The following OSBPL10 variants were observed in gnomAD, a reference collection of about 807,000 sequenced individuals.
OSBPL10 encodes oxysterol binding protein like 10.
In OSBPL10, 49 loss-of-function variants were observed where a neutral mutation model predicts 81.7. That is an observed-to-expected ratio of 0.60 (90% CI 0.48 to 0.76). The LOEUF is 0.76. Among genes scored for constraint, OSBPL10 ranks in the 30% least tolerant of loss-of-function variants. The pLI is 0.00. For missense variants in OSBPL10, 923 were observed against 987.8 expected, an observed-to-expected ratio of 0.93 and a Z score of 0.88; for synonymous variants, 419 against 383.6, an observed-to-expected ratio of 1.09 and a Z score of -1.08.
chr3:32,068,527 A>T (rs1699799329), intron 1 of OSBPL10, among the ~76,000 whole-genome samples: 1 of 152,074 alleles, frequency 6.6e-6, no homozygotes, highest in African/African-American at 2.4e-5. Flanking sequence ...CAAGAACCTA[A>T]AACCTCTTCA....
At chr3:32,074,274 C>T (rs1204797726) in intron 1 of OSBPL10, among the ~76,000 whole-genome samples, 5 of 152,136 alleles carry the variant, frequency 3.3e-5, no homozygotes, top group Non-Finnish European at 5.9e-5. Flanking sequence ...ACTTACGGCA[C>T]CTTTCTCCTT....
At chr3:31,738,097 T>G (rs1042290749) in intron 5 of OSBPL10, among the ~76,000 whole-genome samples, 1 of 151,628 alleles carries the variant, frequency 6.6e-6, no homozygotes, top group African/African-American at 2.4e-5. Flanking sequence ...AATCAATGGA[T>G]AGACAAAAAT....
chr3:31,839,088 G>A (rs766434046), intron 3 of OSBPL10, among the ~76,000 whole-genome samples: 16 of 152,154 alleles, frequency 1.1e-4, no homozygotes, highest in Non-Finnish European at 2.2e-4. Context: ...AGCTATGAAT[G>A]CAGTAAATAA....
At chr3:31,820,509 C>A (rs1031660643) in intron 4 of OSBPL10, among the ~76,000 whole-genome samples, 22 of 151,834 alleles carry the variant, frequency 1.4e-4, no homozygotes, top group Admixed American at 5.9e-4. Flanking sequence ...GCAGAAGAAT[C>A]GCTTAAATCC....
At chr3:31,778,146 G>A (rs1166911808) in intron 4 of OSBPL10, among the ~76,000 whole-genome samples, 1 of 152,200 alleles carries the variant, frequency 6.6e-6, no homozygotes, top group African/African-American at 2.4e-5. Flanking sequence ...ATAGCCTGGG[G>A]CTAGGTCTGA....
intron 2 of OSBPL10, among the ~76,000 whole-genome samples, chr3:32,015,782 C>T (rs905294596): frequency 5.3e-4 from 81 of 152,212 alleles, no homozygotes; most frequent in African/African-American, 1.8e-3. Flanking sequence ...AACAAGTGGG[C>T]GAAGGATATG....
At chr3:31,812,608 G>A (rs1486894800) in intron 4 of OSBPL10, among the ~76,000 whole-genome samples, 1 of 151,700 alleles carries the variant, frequency 6.6e-6, no homozygotes, top group Non-Finnish European at 1.5e-5. Context: ...TTACTGTGAT[G>A]ATTTTTCTGT....
At chr3:32,049,835 G>A (rs558880359) in intron 1 of OSBPL10, among the ~76,000 whole-genome samples, 1 of 152,298 alleles carries the variant, frequency 6.6e-6, no homozygotes, top group African/African-American at 2.4e-5. Context: ...GCTGCCTGAA[G>A]TTTTGATTCA....
chr3:31,912,140 A>G (rs1372343462), intron 1 of OSBPL10, among the ~76,000 whole-genome samples: 1 of 152,216 alleles, frequency 6.6e-6, no homozygotes, highest in African/African-American at 2.4e-5. Context: ...TCACGCCTGT[A>G]ATCCCAGAAC....
chr3:31,668,924 A>G lies in OSBPL10; in HGVS notation c.1914-100T>C, dbSNP rs148799685. 6,065 of 1,123,340 alleles carry G rather than the reference A, an allele frequency of 5.4e-3. 24 individuals carry two copies. Among genetic ancestry groups the G allele is most frequent in the Non-Finnish European group, 6.3e-3 (5,113 of 810,130 alleles). The allele number at this position is 1,123,340 out of a possible 1,614,324, so 69.6% of individuals were successfully genotyped here. Reference sequence around the variant, plus strand: ...TAGAGATTTTTTTTTTTAATCAGAAATGGGAAGGAGGGATTGTTTTTGCAG... The same window carrying G: ...TAGAGATTTTTTTTTTTAATCAGAAGTGGGAAGGAGGGATTGTTTTTGCAG... On this transcript the variant is annotated intron_variant, in intron 9 of 11. Coordinates refer to ENST00000396556, the MANE Select transcript of OSBPL10 (RefSeq NM_017784.5).
intron 1 of OSBPL10, among the ~76,000 whole-genome samples, chr3:32,050,687 G>T (rs1334200128): frequency 7.0e-6 from 1 of 143,550 alleles, no homozygotes; most frequent in Non-Finnish European, 1.5e-5. Context: ...TTGAGATGAA[G>T]TTTCGCTCTT....
intron 2 of OSBPL10, among the ~76,000 whole-genome samples, chr3:31,996,772 A>G (rs1482413866): frequency 6.6e-6 from 1 of 152,230 alleles, no homozygotes. Flanking sequence ...TCCCGCTATC[A>G]ACTCCAGAGA....
intron 7 of OSBPL10, among the ~76,000 whole-genome samples, chr3:31,696,774 G>A (rs1383333798): frequency 1.3e-5 from 2 of 152,220 alleles, no homozygotes; most frequent in African/African-American, 4.8e-5. Flanking sequence ...CCAGCCTCAC[G>A]GCTTTGACCA....
At chr3:31,981,401 C>T (rs940170084), upstream of OSBPL10, 4 of 710,638 alleles carry the variant, frequency 5.6e-6, no homozygotes, top group Non-Finnish European at 7.8e-6. This position sits in a 1 kb window ranked among gnomAD's most constrained non-coding sequence, Gnocchi z 4.5. Context: ...CCTCCCGCCG[C>T]GGCCAGGGCC....
intron 3 of OSBPL10, among the ~76,000 whole-genome samples, chr3:31,859,309 A>G (rs1035645906): frequency 6.6e-6 from 1 of 152,236 alleles, no homozygotes; most frequent in Non-Finnish European, 1.5e-5. Flanking sequence ...GAGCTTCCGG[A>G]TAGCTGAATA....
Position 31,925,551 on chromosome 3 carries a change from G to A in OSBPL10, c.282-45721C>T, listed in dbSNP as rs143963629. Among the ~76,000 whole-genome samples, 270 of 151,580 alleles carry A rather than the reference G, an allele frequency of 1.8e-3. 5 individuals carry two copies. In the East Asian group the frequency reaches 0.046, roughly 26 times the overall value. ...GCTGGGGCCGGGCGCAGTGGCTCAC[G>A]CCTGTAATCCCAGTACTTTGGGAGG... On this transcript the variant is annotated intron_variant, in intron 1 of 11. Coordinates refer to ENST00000396556, the MANE Select transcript of OSBPL10 (RefSeq NM_017784.5).
intron 1 of OSBPL10, among the ~76,000 whole-genome samples, chr3:31,914,337 T>C (rs1348444769): frequency 6.6e-6 from 1 of 152,210 alleles, no homozygotes; most frequent in Non-Finnish European, 1.5e-5. Flanking sequence ...CCAACTAAGT[T>C]TGGGAAACTG....
intron 1 of OSBPL10, among the ~76,000 whole-genome samples, chr3:31,943,940 C>CCTG (rs971171469): frequency 5.8e-5 from 7 of 120,638 alleles, no homozygotes; most frequent in Non-Finnish European, 1.1e-4. Flanking sequence ...AGCACTCCAT[C>CCTG]CTGGGCAACA....
At chr3:31,830,861 G>A (rs1053522774) in intron 3 of OSBPL10, among the ~76,000 whole-genome samples, 2 of 152,148 alleles carry the variant, frequency 1.3e-5, no homozygotes, top group African/African-American at 2.4e-5. Context: ...TGTTAGTCCA[G>A]TGTTTACATT....
Sources: gnomAD v4.1 joint callset for allele counts (sites outside exome capture counted in the v4.1 genomes callset) on GRCh38, gnomAD v4.1.1 for gene constraint, Gnocchi (gnomAD v3.1) non-coding constraint, MANE v1.5 for transcripts, NCBI Gene and HGNC (gene_info 2026-07-23, HGNC 2026-07-21) for gene names.